NRG1: variants seen among roughly 807,000 people sequenced by gnomAD.
The protein encoded by NRG1 is neuregulin 1.
NRG1 carries 18 observed loss-of-function variants against 63.8 expected under a neutral mutation model. That is an observed-to-expected ratio of 0.28 (90% confidence interval 0.19 to 0.42). The LOEUF is 0.42. Among genes scored for constraint, NRG1 ranks in the 10% least tolerant of loss-of-function variants. NRG1 has a pLI of 1.00. For synonymous variants in NRG1, 302 were observed against 301.3 expected (o/e 1.00, Z -0.02); for missense variants, 762 against 814.7 (o/e 0.94, Z 0.79).
intron 1 of NRG1, among the ~76,000 whole-genome samples, chr8:31,913,822 T>A (rs1680169): frequency 0.71 from 108,356 of 152,004 alleles, 39,332 homozygotes; most frequent in East Asian, 0.92. Flanking sequence ...ATTGTGGAGA[T>A]CAAAATTAGC....
At chr8:31,808,986 T>G (rs1043739289) in intron 1 of NRG1, among the ~76,000 whole-genome samples, 50 of 152,118 alleles carry the variant, frequency 3.3e-4, no homozygotes, top group African/African-American at 1.2e-3. Flanking sequence ...GTTATATATC[T>G]GAAAATATCT....
intron 1 of NRG1, among the ~76,000 whole-genome samples, chr8:32,145,946 G>A (rs1048651419): frequency 5.3e-5 from 8 of 152,176 alleles, no homozygotes; most frequent in African/African-American, 1.7e-4. Context: ...GTTTTTATGG[G>A]AGGTGATGTA....
chr8:32,387,261 T>C (rs1321358305), intron 1 of NRG1, among the ~76,000 whole-genome samples: 1 of 152,242 alleles, frequency 6.6e-6, no homozygotes, highest in Non-Finnish European at 1.5e-5. Context: ...ACAAGATTTA[T>C]TGATGTGACT....
chr8:32,248,426 C>T (rs563273146), intron 1 of NRG1, among the ~76,000 whole-genome samples: 57 of 152,068 alleles, frequency 3.7e-4, no homozygotes, highest in African/African-American at 1.2e-3. Context: ...ATTAACAAAA[C>T]TGAATGTACA....
chr8:32,087,850 A>G (rs561006039), intron 1 of NRG1, among the ~76,000 whole-genome samples: 50 of 152,164 alleles, frequency 3.3e-4, no homozygotes, highest in Non-Finnish European at 5.7e-4. Flanking sequence ...TGACTGGGTT[A>G]TTTCCTTTAG....
In NRG1 at chr8:32,005,542, A is replaced by G. The variant is rs193001325; in HGVS notation, c.37+366111A>G. ...AATAGTCATCTTAAGAACCTCATAT[A>G]ACTACTAGTTTAAAATATTGCCATC... On this transcript the variant is annotated intron_variant, in intron 1 of 10. Transcript: ENST00000519301. Among the ~76,000 whole-genome samples, 6 of 152,144 alleles carry G rather than the reference A, an allele frequency of 3.9e-5. No homozygotes were observed. In the East Asian group the frequency reaches 1.2e-3, roughly 30 times the overall value.
intron 1 of NRG1, among the ~76,000 whole-genome samples, chr8:31,833,860 T>A (rs1311704692): frequency 1.3e-5 from 2 of 152,176 alleles, no homozygotes; most frequent in Non-Finnish European, 2.9e-5. Flanking sequence ...AAGCTCAAAT[T>A]TTAACAGAAG....
At chr8:32,227,712 C>T (rs1211344772) in intron 1 of NRG1, among the ~76,000 whole-genome samples, 1 of 152,062 alleles carries the variant, frequency 6.6e-6, no homozygotes, top group Non-Finnish European at 1.5e-5. Flanking sequence ...CAGGGGAGAC[C>T]AAGCTCAAAT....
intron 1 of NRG1, among the ~76,000 whole-genome samples, chr8:32,032,687 T>C (rs995749165): frequency 1.3e-5 from 2 of 152,226 alleles, no homozygotes; most frequent in African/African-American, 4.8e-5. Context: ...CTTTGTCAGA[T>C]GGATAGATTG....
intron 1 of NRG1, among the ~76,000 whole-genome samples, chr8:32,047,411 G>A (rs1189418089): frequency 6.6e-6 from 1 of 151,966 alleles, no homozygotes; most frequent in African/African-American, 2.4e-5. Flanking sequence ...AAGAAATATG[G>A]TTGAAAGGAG....
intron 1 of NRG1, among the ~76,000 whole-genome samples, chr8:32,447,271 C>T (rs1374352751): frequency 1.3e-5 from 2 of 152,016 alleles, no homozygotes; most frequent in African/African-American, 4.8e-5. Flanking sequence ...GATCCACCTG[C>T]ATCGGCCTCC....
chr8:31,975,623 A>T (rs955600857), intron 1 of NRG1, among the ~76,000 whole-genome samples: 1 of 152,192 alleles, frequency 6.6e-6, no homozygotes, highest in Non-Finnish European at 1.5e-5. Context: ...GAAAACTAGA[A>T]TTCTCAGTCC....
chr8:32,410,188 T>TC (rs1267393874), intron 1 of NRG1, among the ~76,000 whole-genome samples: 1 of 144,998 alleles, frequency 6.9e-6, no homozygotes, highest in Non-Finnish European at 1.5e-5. Flanking sequence ...TTTTTTTTTT[T>TC]TTTTTTTTTT....
At chr8:32,182,445 C>T (rs939812191) in intron 1 of NRG1, among the ~76,000 whole-genome samples, 1 of 152,136 alleles carries the variant, frequency 6.6e-6, no homozygotes, top group African/African-American at 2.4e-5. Flanking sequence ...CAGAGTTTCA[C>T]CATGTTGGCC....
At chr8:32,488,566 A>G (rs1037294334) in intron 1 of NRG1, among the ~76,000 whole-genome samples, 5 of 152,194 alleles carry the variant, frequency 3.3e-5, no homozygotes, top group African/African-American at 1.2e-4. Flanking sequence ...ACTTGAGCCC[A>G]GGAGTCAGAG....
intron 1 of NRG1, among the ~76,000 whole-genome samples, chr8:31,655,917 G>T (rs1805392692): frequency 6.6e-6 from 1 of 152,224 alleles, no homozygotes; most frequent in Non-Finnish European, 1.5e-5. Flanking sequence ...TGAGCAAATT[G>T]TATGCACAGT....
intron 1 of NRG1, among the ~76,000 whole-genome samples, chr8:32,551,002 A>G (rs1834000515): frequency 6.6e-6 from 1 of 152,212 alleles, no homozygotes; most frequent in Non-Finnish European, 1.5e-5. Context: ...TTCAGAAAGA[A>G]TGGTCAACAA....
chr8:31,931,143 G>A (rs1389383899), intron 1 of NRG1, among the ~76,000 whole-genome samples: 1 of 152,086 alleles, frequency 6.6e-6, no homozygotes, highest in Non-Finnish European at 1.5e-5. Flanking sequence ...CTCTGATAGG[G>A]TGATGGGCTA....
At chr8:31,753,731 A>G (rs1284737088) in intron 1 of NRG1, among the ~76,000 whole-genome samples, 3 of 152,054 alleles carry the variant, frequency 2.0e-5, no homozygotes, top group African/African-American at 7.2e-5. Context: ...TTTTTCTCAT[A>G]TATCAGGGTT....
Sources: allele counts gnomAD v4.1 joint callset (sites outside exome capture counted in the v4.1 genomes callset), GRCh38; gene constraint gnomAD v4.1.1; transcripts MANE v1.5; gene names NCBI Gene and HGNC (gene_info 2026-07-23, HGNC 2026-07-21).